NCAM1: variants seen among roughly 807,000 people sequenced by gnomAD.
NCAM1 encodes neural cell adhesion molecule 1, also known as antigen recognized by monoclonal antibody 5.1H11.
NCAM1 carries 14 observed loss-of-function variants against 109.8 expected under a neutral mutation model. The ratio of observed to expected loss-of-function variants is 0.13; its 90% confidence interval spans 0.08 to 0.20. NCAM1 has a LOEUF of 0.20. Among genes scored for constraint, NCAM1 ranks in the 10% least tolerant of loss-of-function variants. The pLI is 1.00. For synonymous variants in NCAM1, 418 were observed against 442.9 expected (o/e 0.94, Z 0.70); for missense variants, 774 against 1,109.9 (o/e 0.70, Z 4.30).
At position 113,022,404 on chromosome 11, in the gene NCAM1, A is replaced by G. The variant is rs543129060; in HGVS notation, c.52+60740A>G. 2.6e-5 allele frequency among the ~76,000 whole-genome samples: 4 copies of G among 152,332 alleles called. No individual in the cohort carries two copies. The East Asian group carries it at 7.7e-4, about 29-fold the overall frequency. ...AAATTCTTCTGAAATTGCATAGATG[A>G]TGGATCATCCTAAGATATCATCCTA... On this transcript the variant is annotated intron_variant, in intron 1 of 19. Transcript: ENST00000316851.
intron 1 of NCAM1, among the ~76,000 whole-genome samples, chr11:113,047,119 A>G (rs1233587149): frequency 6.6e-6 from 1 of 152,228 alleles, no homozygotes; most frequent in African/African-American, 2.4e-5. Flanking sequence ...ACTGGAATGC[A>G]TGTGTACCCG....
Position 113,185,079 on chromosome 11 carries a change from T to TATATATATATATATATAGAG in NCAM1, c.53-17299_53-17298insTATATATATATATATAGAGA. Among the ~76,000 whole-genome samples the TATATATATATATATATAGAG allele has an allele frequency of 1.9e-3, 238 of 125,646 alleles. 1 individual carries two copies. The highest frequency in any genetic ancestry group is 2.3e-3 in the Non-Finnish European group (140 of 60,998). 82.4% of individuals were successfully genotyped at this position (125,646 alleles called of 152,430 possible). A position where few individuals can be genotyped will look rare whatever the true frequency, so the allele number is the denominator to read the frequency against. On this transcript the variant is annotated intron_variant, in intron 1 of 19. Transcript: ENST00000316851. Reference sequence around the variant, plus strand: ...GTGTGCATTTATATTTATATATATATAGAGAGAGAGAGAGAGAGAGAGAGA... The same window carrying TATATATATATATATATAGAG: ...GTGTGCATTTATATTTATATATATATATATATATATATATATAGAGAGAGAGAGAGAGAGAGAGAGAGAGA...
At chr11:112,982,417 T>A (rs2134692646) in intron 1 of NCAM1, among the ~76,000 whole-genome samples, 1 of 151,530 alleles carries the variant, frequency 6.6e-6, no homozygotes, top group Middle Eastern at 3.4e-3. Context: ...AGTAAGGAGG[T>A]CATTGGAAGC....
chr11:113,146,790 C>T (rs2136235381), intron 1 of NCAM1, among the ~76,000 whole-genome samples: 1 of 152,120 alleles, frequency 6.6e-6, no homozygotes, highest in Middle Eastern at 3.4e-3. Context: ...TCTTCTGTTA[C>T]TACCTTAGCA....
intron 1 of NCAM1, among the ~76,000 whole-genome samples, chr11:113,110,886 G>A (rs527435387): frequency 4.5e-4 from 68 of 152,198 alleles, no homozygotes; most frequent in South Asian, 1.9e-3. Flanking sequence ...CTCAGTAATG[G>A]TAGTACTAAG....
In NCAM1 at chr11:113,246,484, C is replaced by T. The variant is rs1388299942; in HGVS notation, c.1828+114C>T. 1.3e-5 allele frequency: 9 copies of T among 674,504 alleles called. No individual in the cohort carries two copies. The African/African-American group carries it at 1.6e-4, about 12-fold the overall frequency. The allele number at this position is 674,504 out of a possible 1,614,324, so 41.8% of individuals were successfully genotyped here. ...CTAAGCAAAGCCATTTGAGAGATTT[C>T]CTCTTGTTCTCAATTCACATCCAGA... On this transcript the variant is annotated intron_variant, in intron 15 of 19. Coordinates refer to ENST00000316851, the MANE Select transcript of NCAM1 (RefSeq NM_181351.5).
intron 8 of NCAM1, 60 bp downstream of exon 8, chr11:113,214,571 T>G: frequency 6.5e-7 from 1 of 1,532,074 alleles, no homozygotes; most frequent in Non-Finnish European, 8.8e-7. Flanking sequence ...AGATTGAGTC[T>G]GCTCATGCCC....
chr11:113,058,325 A>G (rs1953789076), intron 1 of NCAM1, among the ~76,000 whole-genome samples: 1 of 152,124 alleles, frequency 6.6e-6, no homozygotes, highest in South Asian at 2.1e-4. Flanking sequence ...ATGTGGAGAG[A>G]TTGTTCTATA....
At chr11:113,215,323 T>C (rs1243167033) in intron 8 of NCAM1, among the ~76,000 whole-genome samples, 1 of 152,248 alleles carries the variant, frequency 6.6e-6, no homozygotes, top group Non-Finnish European at 1.5e-5. Flanking sequence ...CTTATGGTAC[T>C]TCTCCAATCT....
At chr11:113,261,316 A>T (rs1446813383) in intron 17 of NCAM1, among the ~76,000 whole-genome samples, 3 of 152,072 alleles carry the variant, frequency 2.0e-5, no homozygotes, top group Non-Finnish European at 4.4e-5. Flanking sequence ...ATGTATGTGC[A>T]AAAATGGGCT....
In NCAM1 at chr11:113,232,173, C is replaced by T. The variant is rs1360707694; in HGVS notation, c.1244C>T (p.Ala415Val). 1.1e-5 allele frequency: 18 copies of T among 1,590,134 alleles called. No homozygotes were observed. Among genetic ancestry groups the T allele is most frequent in the Non-Finnish European group, 1.4e-5 (16 of 1,170,114 alleles). The part of the protein sequence containing the change: ...SQSMYLEVQY[A>V]PKLQGPVAVY... ...CAGTCATTGTTATTTATTGCAGATG[C>T]CCCAAAGCTACAGGGCCCTGTGGCT... Residue 415 changes from alanine to valine, a missense_variant, in exon 11 of 20, where the codon GCC (alanine) becomes GTC (valine). Physicochemically the swap from Ala to Val is moderately conservative, Grantham distance 64. Around this residue, in one of 4 missense-constraint regions of NCAM1, gnomAD observed 523 missense variants for 784.2 expected, o/e 0.67. Coordinates refer to ENST00000316851, the MANE Select transcript of NCAM1 (RefSeq NM_181351.5).
intron 17 of NCAM1, chr11:113,263,885 G>A (rs1221251001): frequency 2.0e-6 from 2 of 985,442 alleles, no homozygotes; most frequent in African/African-American, 3.5e-5. Flanking sequence ...CAGCCCAGGA[G>A]GGTTAATAAA....
chr11:113,114,413 C>T (rs1565444620), intron 1 of NCAM1, among the ~76,000 whole-genome samples: 1 of 152,342 alleles, frequency 6.6e-6, no homozygotes, highest in East Asian at 1.9e-4. Context: ...GGGCATGGGG[C>T]TTCTCTGCCT....
intron 1 of NCAM1, among the ~76,000 whole-genome samples, chr11:112,987,245 G>T (rs1565365961): frequency 1.3e-5 from 2 of 152,044 alleles, no homozygotes; most frequent in Non-Finnish European, 2.9e-5. Flanking sequence ...ATGCCATCAT[G>T]GTTAGAAAAG....
At chr11:112,977,517 G>T (rs1951038075) in intron 1 of NCAM1, 1 of 151,668 alleles carries the variant, frequency 6.6e-6, no homozygotes, top group Admixed American at 6.6e-5. Flanking sequence ...AAAATGAAGT[G>T]CAATTTCTTA....
At chr11:112,984,588 C>A (rs1354327904) in intron 1 of NCAM1, among the ~76,000 whole-genome samples, 13 of 152,020 alleles carry the variant, frequency 8.6e-5, no homozygotes, top group African/African-American at 3.1e-4. Flanking sequence ...CAAAAGCCAT[C>A]CTAACAGGTG....
At chr11:113,254,438 T>C (rs1184330217) in intron 15 of NCAM1, among the ~76,000 whole-genome samples, 1 of 152,234 alleles carries the variant, frequency 6.6e-6, no homozygotes, top group Admixed American at 6.5e-5. Context: ...AACCTAAATG[T>C]GCACAGAGAT....
At chr11:113,186,713 G>T (rs556959146) in intron 1 of NCAM1, among the ~76,000 whole-genome samples, 46 of 152,164 alleles carry the variant, frequency 3.0e-4, no homozygotes, top group Non-Finnish European at 5.9e-4. Context: ...ACAAAGGGTC[G>T]CCCTCTATTC....
At chr11:113,025,984 G>A (rs1952534126) in intron 1 of NCAM1, among the ~76,000 whole-genome samples, 1 of 152,126 alleles carries the variant, frequency 6.6e-6, no homozygotes, top group African/African-American at 2.4e-5. Flanking sequence ...AGCATCATCA[G>A]CTAATGCTTA....
Sources: allele counts gnomAD v4.1 joint callset (sites outside exome capture counted in the v4.1 genomes callset), GRCh38; gene constraint gnomAD v4.1.1; regional missense constraint gnomAD v4.1.1; transcripts MANE v1.5; gene names NCBI Gene and HGNC (gene_info 2026-07-23, HGNC 2026-07-21).